ELP4: variants seen among roughly 807,000 people sequenced by gnomAD.
ELP4 encodes the protein elongator acetyltransferase complex subunit 4.
In ELP4, 51 loss-of-function variants were observed where a neutral mutation model predicts 48.9. The observed-to-expected ratio is 1.04, with a 90% confidence interval of 0.83 to 1.32. The LOEUF (loss-of-function observed/expected upper bound fraction) is 1.32, where lower values mean the gene tolerates loss of function less well. Ranked by LOEUF, ELP4 falls within the 40% of genes most tolerant of loss-of-function variation. The probability of loss-of-function intolerance (pLI) is 0.00; values close to 1 mark genes in which losing one functional copy is unlikely to be tolerated. For synonymous variants in ELP4, 210 were observed against 189.2 expected (o/e 1.11, Z -0.90); for missense variants, 519 against 514.6 (o/e 1.01, Z -0.08).
At chr11:31,658,927 G>A (rs928812565) in intron 9 of ELP4, among the ~76,000 whole-genome samples, 4 of 151,868 alleles carry the variant, frequency 2.6e-5, no homozygotes, top group Admixed American at 2.6e-4. Context: ...TGATTTGCTG[G>A]AAGTTCTTTA....
intron 9 of ELP4, among the ~76,000 whole-genome samples, chr11:31,742,340 G>T (rs1246049671): frequency 6.6e-6 from 1 of 152,194 alleles, no homozygotes; most frequent in Non-Finnish European, 1.5e-5. Flanking sequence ...TTATCCAGGA[G>T]AACTTCCCCA....
intron 5 of ELP4, among the ~76,000 whole-genome samples, chr11:31,624,001 A>G (rs915461245): frequency 6.6e-6 from 1 of 151,810 alleles, no homozygotes; most frequent in African/African-American, 2.4e-5. Flanking sequence ...TACATTAAAA[A>G]GACAATGAGG....
In ELP4 at chr11:31,784,085, A is replaced by ATT. The variant is rs1182522714; in HGVS notation, c.*562_*563insTT. On this transcript the variant is annotated 3_prime_UTR_variant, in exon 10 of 10. Coordinates refer to ENST00000640961, the MANE Select transcript of ELP4 (RefSeq NM_019040.5). ...ATTAGTCTACCATAGTAGTTATTAA[A>ATT]TATAAAGAACTTCAGTGATAGGAAA... 1 of 152,220 alleles carries ATT rather than the reference A, an allele frequency of 6.6e-6. No individual in the cohort carries two copies. The highest frequency in any genetic ancestry group is 1.5e-5 in the Non-Finnish European group (1 of 68,032). The allele number at this position is 152,220 out of a possible 1,614,324, so 9.4% of individuals were successfully genotyped here.
chr11:31,719,001 G>A (rs1227497731), intron 9 of ELP4, among the ~76,000 whole-genome samples: 1 of 152,170 alleles, frequency 6.6e-6, no homozygotes, highest in Non-Finnish European at 1.5e-5. Context: ...GCTCACACCT[G>A]TAATCCTAGT....
At chr11:31,737,094 G>A (rs1181234910) in intron 9 of ELP4, among the ~76,000 whole-genome samples, 4 of 152,170 alleles carry the variant, frequency 2.6e-5, no homozygotes, top group Non-Finnish European at 4.4e-5. Flanking sequence ...TAGACTGGAC[G>A]AAGAAAATGT....
At chr11:31,574,852 A>C (rs540265719) in intron 3 of ELP4, among the ~76,000 whole-genome samples, 2 of 152,356 alleles carry the variant, frequency 1.3e-5, no homozygotes, top group East Asian at 3.9e-4. Flanking sequence ...AGAAAAGGTG[A>C]AAATCCTAAA....
intron 9 of ELP4, among the ~76,000 whole-genome samples, chr11:31,684,076 G>A (rs1466884694): frequency 4.6e-5 from 7 of 152,112 alleles, no homozygotes; most frequent in Non-Finnish European, 1.5e-5. Context: ...AACTTTGAAA[G>A]TCTAACTAAA....
At chr11:31,546,805 C>A (rs995851960) in intron 3 of ELP4, among the ~76,000 whole-genome samples, 4 of 152,220 alleles carry the variant, frequency 2.6e-5, no homozygotes, top group South Asian at 2.1e-4. Flanking sequence ...ACAGTGCAAT[C>A]AAACTAGAAC....
intron 3 of ELP4, among the ~76,000 whole-genome samples, chr11:31,544,617 A>G (rs932367201): frequency 6.6e-6 from 1 of 152,226 alleles, no homozygotes; most frequent in Non-Finnish European, 1.5e-5. Context: ...GCAGACTTAA[A>G]TGTCCCTGTC....
At chr11:31,589,169 T>G (rs1317359592) in intron 3 of ELP4, among the ~76,000 whole-genome samples, 1 of 152,144 alleles carries the variant, frequency 6.6e-6, no homozygotes, top group Non-Finnish European at 1.5e-5. Flanking sequence ...CCACTAAGAT[T>G]GTTCCAGGAA....
chr11:31,516,405 A>C (rs942776801), intron 1 of ELP4, among the ~76,000 whole-genome samples: 3 of 152,254 alleles, frequency 2.0e-5, no homozygotes, highest in African/African-American at 7.2e-5. Flanking sequence ...AGGAAGTGTG[A>C]TATAAGATGT....
chr11:31,753,259 A>G (rs1284803745), intron 9 of ELP4, among the ~76,000 whole-genome samples: 2 of 152,234 alleles, frequency 1.3e-5, no homozygotes, highest in African/African-American at 4.8e-5. Flanking sequence ...AGTGACTTAC[A>G]AGACTTATGT....
chr11:31,588,234 A>G (rs981163100), intron 3 of ELP4, among the ~76,000 whole-genome samples: 5 of 152,108 alleles, frequency 3.3e-5, no homozygotes, highest in African/African-American at 9.7e-5. Context: ...CTATTGATAG[A>G]TATTTATATT....
chr11:31,582,626 C>G (rs1957409803), intron 3 of ELP4, among the ~76,000 whole-genome samples: 1 of 152,086 alleles, frequency 6.6e-6, no homozygotes, highest in South Asian at 2.1e-4. Flanking sequence ...TTCTCAAATA[C>G]CTAGTGATTC....
At chr11:31,704,542 C>G (rs904660706) in intron 9 of ELP4, among the ~76,000 whole-genome samples, 15 of 151,696 alleles carry the variant, frequency 9.9e-5, no homozygotes, top group African/African-American at 2.4e-5. Context: ...ATGTAAATGA[C>G]GAGTTAATGG....
At chr11:31,510,446 A>C in intron 1 of ELP4, 1 of 410,436 alleles carries the variant, frequency 2.4e-6, no homozygotes, top group Non-Finnish European at 4.3e-6. Context: ...ATGCTGGAAA[A>C]AAATGATTTC....
chr11:31,731,211 A>C (rs1331993815), intron 9 of ELP4, among the ~76,000 whole-genome samples: 1 of 152,314 alleles, frequency 6.6e-6, no homozygotes, highest in Non-Finnish European at 1.5e-5. Flanking sequence ...CAATCAAAGG[A>C]GCAAAATAAA....
At chr11:31,665,655 C>CTTTTTTTTTTT (rs71060496) in intron 9 of ELP4, among the ~76,000 whole-genome samples, 1 of 79,682 alleles carries the variant, frequency 1.3e-5, no homozygotes, top group Admixed American at 1.7e-4. Context: ...GTCTCTCTTC[C>CTTTTTTTTTTT]TTTTTTTTTT....
Position 31,679,326 on chromosome 11 carries a change from G to A in ELP4, c.1143+29105G>A, listed in dbSNP as rs148008994. Among the ~76,000 whole-genome samples, 638 of 152,196 alleles carry A rather than the reference G, an allele frequency of 4.2e-3. 4 individuals carry two copies. Among genetic ancestry groups the A allele is most frequent in the African/African-American group, 0.015 (612 of 41,526 alleles). On this transcript the variant is annotated intron_variant, in intron 9 of 9. Transcript: ENST00000640961. The stretch of plus-strand genomic sequence containing the variant: ...GCTTTATATTATATCTTGAAGTCGG[G>A]CAGTATATTAGTTTGCTAGTGCAAC...
Sources: gnomAD v4.1 joint callset for allele counts (sites outside exome capture counted in the v4.1 genomes callset) on GRCh38, gnomAD v4.1.1 for gene constraint, MANE v1.5 for transcripts, NCBI Gene and HGNC (gene_info 2026-07-23, HGNC 2026-07-21) for gene names.